The following PDE1A variants were observed in gnomAD, a reference collection of about 807,000 sequenced individuals.
PDE1A encodes the protein dual specificity calcium/calmodulin-dependent 3',5'-cyclic nucleotide phosphodiesterase 1A.
A neutral mutation model predicts 61.7 loss-of-function variants in PDE1A; 35 were observed. The observed-to-expected ratio is 0.57, with a 90% CI of 0.43 to 0.75. The LOEUF (loss-of-function observed/expected upper bound fraction) is 0.75, where lower values mean the gene tolerates loss of function less well. PDE1A is among the 30% of genes least tolerant of loss of function. The pLI is 0.00. For missense variants in PDE1A, 597 were observed against 630.6 expected, an observed-to-expected ratio of 0.95 and a Z score of 0.57; for synonymous variants, 232 against 213.2, an observed-to-expected ratio of 1.09 and a Z score of -0.77.
chr2:182,408,803 T>G (rs1162938590), intron 1 of PDE1A, among the ~76,000 whole-genome samples: 1 of 152,220 alleles, frequency 6.6e-6, no homozygotes, highest in Non-Finnish European at 1.5e-5. Context: ...ATCAACACCA[T>G]GGCCTTTGCT....
intron 2 of PDE1A, among the ~76,000 whole-genome samples, chr2:182,521,674 T>C (rs1690577047): frequency 6.6e-6 from 1 of 152,138 alleles, no homozygotes; most frequent in African/African-American, 2.4e-5. Context: ...CTAAGGGCTA[T>C]TATGTACTAT....
At chr2:182,432,985 A>G (rs553589659) in intron 2 of PDE1A, among the ~76,000 whole-genome samples, 1 of 152,120 alleles carries the variant, frequency 6.6e-6, no homozygotes, top group South Asian at 2.1e-4. Flanking sequence ...TGTTACTTCA[A>G]TATCCTCTAA....
chr2:182,700,740 A>AAAAAAAAAAAAAAAAAAAAAAAAAAC, the PDE1A span, among the ~76,000 whole-genome samples: 1 of 134,188 alleles, frequency 7.5e-6, no homozygotes, highest in Non-Finnish European at 1.6e-5. Context: ...AAAAAAAAAA[A>AAAAAAAAAAAAAAAAAAAAAAAAAAC]CAGAAAGAAA....
At chr2:182,256,763 C>T (rs907016959) in intron 2 of PDE1A, among the ~76,000 whole-genome samples, 3 of 151,876 alleles carry the variant, frequency 2.0e-5, no homozygotes, top group Non-Finnish European at 4.4e-5. Flanking sequence ...TTAAACTTTT[C>T]GTTTCTGGGC....
chr2:182,658,862 C>T, the PDE1A span, among the ~76,000 whole-genome samples: 2 of 152,148 alleles, frequency 1.3e-5, no homozygotes, highest in East Asian at 3.9e-4. Context: ...CCATTTCCCA[C>T]TCCTTCTTAA....
At chr2:182,192,154 G>A (rs1342452631) in intron 10 of PDE1A, among the ~76,000 whole-genome samples, 1 of 152,024 alleles carries the variant, frequency 6.6e-6, no homozygotes, top group African/African-American at 2.4e-5. Context: ...ACTGTGCCCA[G>A]CCACTTTCTT....
the PDE1A span, among the ~76,000 whole-genome samples, chr2:182,628,075 C>CACAG: frequency 4.7e-5 from 7 of 148,934 alleles, no homozygotes; most frequent in Admixed American, 4.1e-4. Flanking sequence ...CACACACACA[C>CACAG]AGTTTGCATT....
At chr2:182,575,780 AT>A in the PDE1A span, among the ~76,000 whole-genome samples, 1 of 146,332 alleles carries the variant, frequency 6.8e-6, no homozygotes, top group African/African-American at 2.5e-5. Context: ...ATATATTATA[AT>A]TATTAATAAT....
chr2:182,383,789 T>A (rs558517845), intron 1 of PDE1A, among the ~76,000 whole-genome samples: 1 of 152,308 alleles, frequency 6.6e-6, no homozygotes, highest in African/African-American at 2.4e-5. Flanking sequence ...TTTACATTAC[T>A]CGCATCATTC....
chr2:182,179,249 T>C (rs1490699707), intron 13 of PDE1A, among the ~76,000 whole-genome samples: 3 of 152,136 alleles, frequency 2.0e-5, no homozygotes, highest in African/African-American at 4.8e-5. Flanking sequence ...AAAAAGTATC[T>C]GCACAGTATT....
chr2:182,404,400 C>G (rs1489206093), intron 1 of PDE1A, among the ~76,000 whole-genome samples: 1 of 152,190 alleles, frequency 6.6e-6, no homozygotes, highest in African/African-American at 2.4e-5. Flanking sequence ...CACTACTGGA[C>G]ACTTTATAAA....
At chr2:182,237,835 A>G (rs981468478) in intron 3 of PDE1A, among the ~76,000 whole-genome samples, 1 of 152,164 alleles carries the variant, frequency 6.6e-6, no homozygotes, top group Non-Finnish European at 1.5e-5. Flanking sequence ...GAGCTTAGAA[A>G]TGTTCTTGAA....
At chr2:182,154,212 G>A (rs543219952) in intron 13 of PDE1A, among the ~76,000 whole-genome samples, 185 of 152,238 alleles carry the variant, frequency 1.2e-3, no homozygotes, top group Non-Finnish European at 2.0e-3. Flanking sequence ...TAGTAAAAAT[G>A]TCAATACATA....
intron 2 of PDE1A, among the ~76,000 whole-genome samples, chr2:182,442,019 C>T (rs10931014): frequency 0.72 from 109,322 of 151,762 alleles, 39,678 homozygotes; most frequent in East Asian, 0.96. Context: ...AGTAAAACCA[C>T]TGGGTGAAAA....
chr2:182,576,675 C>G, the PDE1A span, among the ~76,000 whole-genome samples: 1 of 152,042 alleles, frequency 6.6e-6, no homozygotes, highest in African/African-American at 2.4e-5. Context: ...CATTTTATAT[C>G]CCGACCAACA....
intron 1 of PDE1A, among the ~76,000 whole-genome samples, chr2:182,386,123 G>A (rs539248645): frequency 1.3e-4 from 20 of 152,300 alleles, no homozygotes; most frequent in African/African-American, 3.1e-4. Context: ...CCGGGATTGC[G>A]GACGGAGTCT....
At chr2:182,687,463 G>A in the PDE1A span, among the ~76,000 whole-genome samples, 2 of 152,198 alleles carry the variant, frequency 1.3e-5, no homozygotes, top group African/African-American at 4.8e-5. Context: ...CAGACCTGCA[G>A]CTGAGGGTCC....
At chr2:182,149,116 A>G (rs1278798982) in intron 13 of PDE1A, among the ~76,000 whole-genome samples, 2 of 152,200 alleles carry the variant, frequency 1.3e-5, no homozygotes. Context: ...AGAACAGAAC[A>G]GAACAGTCTA....
chr2:182,172,012 A>G (rs1692266865), intron 13 of PDE1A, among the ~76,000 whole-genome samples: 1 of 151,978 alleles, frequency 6.6e-6, no homozygotes, highest in African/African-American at 2.4e-5. Context: ...GCAAGTGACT[A>G]GGTTTGAGGT....
Sources: gnomAD v4.1 joint callset for allele counts (sites outside exome capture counted in the v4.1 genomes callset) on GRCh38, gnomAD v4.1.1 for gene constraint, MANE v1.5 for transcripts, NCBI Gene and HGNC (gene_info 2026-07-23, HGNC 2026-07-21) for gene names.